Variants in ADCK1 observed in about 807,000 individuals in gnomAD.
ADCK1 encodes aarF domain-containing protein kinase 1.
A neutral mutation model predicts 52.3 loss-of-function variants in ADCK1; 41 were observed. That is an observed-to-expected ratio of 0.78 (90% CI 0.61 to 1.02). The LOEUF is 1.02. ADCK1 is among the 50% of genes least tolerant of loss of function. The probability of loss-of-function intolerance (pLI) is 0.00; values close to 1 mark genes in which losing one functional copy is unlikely to be tolerated. For synonymous variants in ADCK1, 250 were observed against 274.6 expected (o/e 0.91, Z 0.89); for missense variants, 658 against 679.5 (o/e 0.97, Z 0.35).
rs773300217 is a variant in ADCK1 at position 77,916,376 on chromosome 14, G to A, written c.859-8081G>A. The stretch of plus-strand genomic sequence containing the variant: ...TCCTTTTCAATCCTAACCTAGAGAA[G>A]CTTTCACTAGGTACCTAGAAGCTCC... On this transcript the variant is annotated intron_variant, in intron 7 of 10. Transcript: ENST00000238561. 6.6e-5 allele frequency among the ~76,000 whole-genome samples: 10 copies of A among 152,260 alleles called. No homozygotes were observed. The South Asian group carries it at 1.0e-3, about 16-fold the overall frequency.
At chr14:77,810,010 C>T (rs2081305741) in intron 1 of ADCK1, among the ~76,000 whole-genome samples, 1 of 144,370 alleles carries the variant, frequency 6.9e-6, no homozygotes, top group South Asian at 2.3e-4. Flanking sequence ...TGGACTCCAG[C>T]CTGGGTGACA....
At chr14:77,833,419 T>C (rs2081898136) in intron 3 of ADCK1, among the ~76,000 whole-genome samples, 3 of 152,192 alleles carry the variant, frequency 2.0e-5, no homozygotes, top group African/African-American at 4.8e-5. Context: ...GGAGAGAAAT[T>C]GAATCCTTGC....
chr14:77,917,102 G>A (rs2083942966), intron 7 of ADCK1, among the ~76,000 whole-genome samples: 1 of 152,184 alleles, frequency 6.6e-6, no homozygotes, highest in Admixed American at 6.5e-5. Context: ...GCACATGCAT[G>A]TAATCCCAGT....
rs562896822 is a variant in ADCK1 at position 77,802,998 on chromosome 14, A to G, written c.-12+2828A>G. ...AATTTGGTTCCTGGACTACATTACT[A>G]TCTTAGGGAGGGCAGACTGTAAACC... On this transcript the variant is annotated intron_variant, in intron 1 of 10. Coordinates refer to ENST00000238561, the MANE Select transcript of ADCK1 (RefSeq NM_020421.4). 6.6e-5 allele frequency among the ~76,000 whole-genome samples: 10 copies of G among 152,058 alleles called. No homozygotes were observed. In the East Asian group the frequency reaches 7.7e-4, roughly 12 times the overall value.
intron 4 of ADCK1, among the ~76,000 whole-genome samples, chr14:77,866,451 TC>T (rs1372466870): frequency 6.6e-6 from 1 of 152,158 alleles, no homozygotes; most frequent in Non-Finnish European, 1.5e-5. Flanking sequence ...CCCCACAGGC[TC>T]CCAGGCAGCC....
At chr14:77,878,208 A>G (rs2082940981) in intron 4 of ADCK1, among the ~76,000 whole-genome samples, 1 of 152,274 alleles carries the variant, frequency 6.6e-6, no homozygotes, top group African/African-American at 2.4e-5. Context: ...AGTGATTAAC[A>G]TCGTGCCCTG....
chr14:77,808,017 A>T (rs1055959730), intron 1 of ADCK1, among the ~76,000 whole-genome samples: 1 of 152,212 alleles, frequency 6.6e-6, no homozygotes, highest in Non-Finnish European at 1.5e-5. Flanking sequence ...TGAAACACAG[A>T]CACAGGCAGC....
At chr14:77,852,665 ATATATATATATATATATATATATATAT>A (rs2082314531) in intron 3 of ADCK1, among the ~76,000 whole-genome samples, 1 of 88,876 alleles carries the variant, frequency 1.1e-5, no homozygotes, top group African/African-American at 5.9e-5. Context: ...AAATAAATAT[ATATATATATATATATATATATATATAT>A]ATATATATAT....
At chr14:77,822,686 C>A (rs1009422225) in intron 3 of ADCK1, among the ~76,000 whole-genome samples, 168 bp downstream of exon 3, 1 of 152,078 alleles carries the variant, frequency 6.6e-6, no homozygotes, top group African/African-American at 2.4e-5. Context: ...TGCCTAGCCA[C>A]GAAGCTTCCT....
Position 77,925,903 on chromosome 14 carries a change from C to T in ADCK1, c.1148C>T (p.Ala383Val), listed in dbSNP as rs773292041. Residue 383 changes from alanine to valine, a missense_variant, in exon 9 of 11, where the codon GCG becomes GTG. Ala to Val is a moderately conservative substitution (Grantham distance 64). Coordinates refer to ENST00000238561, the MANE Select transcript of ADCK1 (RefSeq NM_020421.4). Reference protein sequence around the residue: ...LYPLFACMLTARSWDSVNRGI... With the variant: ...LYPLFACMLTVRSWDSVNRGI... ...CCCTTGTTTGCCTGCATGCTGACGG[C>T]GCGATCGTGGGACTCGGTCAACAGA... is the stretch of plus-strand genomic sequence containing the variant. 2.9e-5 allele frequency: 47 copies of T among 1,614,068 alleles called. No individual in the cohort carries two copies. The highest frequency in any genetic ancestry group is 5.0e-5 in the Admixed American group (3 of 60,006).
chr14:77,880,510 T>G (rs874024), intron 4 of ADCK1, among the ~76,000 whole-genome samples: 1 of 152,322 alleles, frequency 6.6e-6, no homozygotes, highest in East Asian at 1.9e-4. Flanking sequence ...ATTGCCATTA[T>G]TATTTTTATT....
intron 4 of ADCK1, among the ~76,000 whole-genome samples, chr14:77,861,633 C>T (rs1365000141): frequency 6.6e-6 from 1 of 152,140 alleles, no homozygotes; most frequent in Non-Finnish European, 1.5e-5. Context: ...AGGTCCCAGT[C>T]CTCGGATAGG....
chr14:77,895,094 T>G (rs1408572420), intron 5 of ADCK1, among the ~76,000 whole-genome samples: 2 of 152,226 alleles, frequency 1.3e-5, no homozygotes, highest in South Asian at 4.1e-4. Flanking sequence ...CTTCATTTTT[T>G]CCATTACATT....
At chr14:77,814,439 AAAAAC>A (rs1196203926) in intron 1 of ADCK1, among the ~76,000 whole-genome samples, 1 of 150,068 alleles carries the variant, frequency 6.7e-6, no homozygotes, top group African/African-American at 2.5e-5. Context: ...AAAAAAAACA[AAAAAC>A]AAAAATCCTT....
intron 2 of ADCK1, among the ~76,000 whole-genome samples, chr14:77,819,624 G>A (rs2140031105): frequency 6.6e-6 from 1 of 152,306 alleles, no homozygotes; most frequent in South Asian, 2.1e-4. Flanking sequence ...CAAACTGACA[G>A]AGAACCTGAG....
intron 4 of ADCK1, among the ~76,000 whole-genome samples, chr14:77,877,758 C>T (rs777678589): frequency 3.9e-5 from 6 of 152,178 alleles, no homozygotes; most frequent in South Asian, 2.1e-4. Flanking sequence ...GTGTGTGCCA[C>T]GATGCCTGAT....
chr14:77,878,687 A>G (rs1230735845), intron 4 of ADCK1, among the ~76,000 whole-genome samples: 1 of 152,190 alleles, frequency 6.6e-6, no homozygotes, highest in Non-Finnish European at 1.5e-5. Flanking sequence ...CTGGCTTCAT[A>G]CTGTACTGTG....
intron 1 of ADCK1, among the ~76,000 whole-genome samples, chr14:77,805,558 G>A (rs1461039821): frequency 2.6e-5 from 4 of 152,010 alleles, no homozygotes; most frequent in African/African-American, 7.2e-5. Context: ...CACTGTGCTG[G>A]CCCAAAAATT....
chr14:77,817,890 C>T (rs1043355106), intron 1 of ADCK1, among the ~76,000 whole-genome samples: 6 of 141,774 alleles, frequency 4.2e-5, no homozygotes, highest in Non-Finnish European at 6.1e-5. Context: ...CGCCCGCCAC[C>T]ACGCCTGGCT....
Sources: allele counts gnomAD v4.1 joint callset (sites outside exome capture counted in the v4.1 genomes callset), GRCh38; gene constraint gnomAD v4.1.1; transcripts MANE v1.5; gene names NCBI Gene and HGNC (gene_info 2026-07-23, HGNC 2026-07-21).